CPS1: variants seen among roughly 807,000 people sequenced by gnomAD.
CPS1 encodes carbamoyl-phosphate synthase [ammonia], mitochondrial.
A neutral mutation model predicts 174.6 loss-of-function variants in CPS1; 109 were observed. The observed-to-expected ratio is 0.62, with a 90% CI of 0.53 to 0.73. The LOEUF is 0.73. Among genes scored for constraint, CPS1 ranks in the 30% least tolerant of loss-of-function variants. CPS1 has a pLI of 0.00. For missense variants in CPS1, 1,689 were observed against 1,821.9 expected, an observed-to-expected ratio of 0.93 and a Z score of 1.33; for synonymous variants, 637 against 632.0, an observed-to-expected ratio of 1.01 and a Z score of -0.12.
intron 24 of CPS1, 22 bp from the exon 25 acceptor site, chr2:210,642,462 G>T (rs1198476748): frequency 6.2e-7 from 1 of 1,613,658 alleles, no homozygotes; most frequent in Non-Finnish European, 8.5e-7. Context: ...TATCCCTTTT[G>T]CCAATCTCAT....
chr2:210,502,075 A>T (rs1415449375), intron 1 of CPS1, among the ~76,000 whole-genome samples: 1 of 152,034 alleles, frequency 6.6e-6, no homozygotes, highest in Non-Finnish European at 1.5e-5. Flanking sequence ...AAAGCCCTTT[A>T]TATAGCCATC....
rs545325901 is a variant in CPS1 at position 210,540,732 on chromosome 2, C to T, written c.4-15987C>T. On this transcript the variant is annotated intron_variant, in intron 1 of 38. Transcript: ENST00000430249. Reference sequence around the variant, plus strand: ...CACACAAATGGTAAGTGGGTAATTTCGGAACCTTTTAAAATAAAACATAGA... The same window carrying T: ...CACACAAATGGTAAGTGGGTAATTTTGGAACCTTTTAAAATAAAACATAGA... 1.3e-3 allele frequency among the ~76,000 whole-genome samples: 194 copies of T among 152,206 alleles called. 8 individuals are homozygous for T. In the South Asian group the frequency reaches 0.038, roughly 29 times the overall value.
At chr2:210,631,158 G>T (rs1699857929) in intron 21 of CPS1, 1 of 151,918 alleles carries the variant, frequency 6.6e-6, no homozygotes, top group Admixed American at 6.6e-5. Context: ...CTCGTGAGTT[G>T]GTGGATCAGA....
chr2:210,607,021 T>C, intron 18 of CPS1, 80 bp downstream of exon 18: 6 of 1,243,070 alleles, frequency 4.8e-6, no homozygotes, highest in Non-Finnish European at 7.0e-6. Context: ...TGGAAGACTG[T>C]ACTGCATTTA....
chr2:210,583,738 C>T (rs910451617), intron 6 of CPS1, among the ~76,000 whole-genome samples: 22 of 152,132 alleles, frequency 1.4e-4, no homozygotes, highest in Non-Finnish European at 2.8e-4. Flanking sequence ...CTGACTGAAG[C>T]TAGGTCTAGA....
chr2:210,572,041 A>G (rs1490005339), intron 1 of CPS1, among the ~76,000 whole-genome samples: 1 of 151,866 alleles, frequency 6.6e-6, no homozygotes, highest in Non-Finnish European at 1.5e-5. Flanking sequence ...CTACACTTAA[A>G]CCTTGCAGAA....
rs1242895886 is a variant in CPS1 at position 210,543,206 on chromosome 2, T to A, written c.4-13513T>A. 2.0e-5 allele frequency among the ~76,000 whole-genome samples: 3 copies of A among 152,162 alleles called. No homozygotes were observed. The East Asian group carries it at 5.8e-4, about 29-fold the overall frequency. ...GTGGGCTCACGTTGCATGCAGTGCA[T>A]CTCTATACAGCAATTAATCTATTTC... On this transcript the variant is annotated intron_variant, in intron 1 of 38. Coordinates refer to the CPS1 transcript ENST00000430249.
chr2:210,572,722 T>C (rs1697543921), intron 1 of CPS1, among the ~76,000 whole-genome samples: 1 of 152,076 alleles, frequency 6.6e-6, no homozygotes, highest in African/African-American at 2.4e-5. Context: ...TGGTTTTGTG[T>C]CAGCATTAAG....
At chr2:210,594,863 A>T (rs1698436234) in intron 12 of CPS1, among the ~76,000 whole-genome samples, 1 of 152,086 alleles carries the variant, frequency 6.6e-6, no homozygotes, top group South Asian at 2.1e-4. Context: ...ATAACAAAGA[A>T]TAGTGTTTAG....
At chr2:210,558,153 A>G (rs144855523) in intron 1 of CPS1, among the ~76,000 whole-genome samples, 537 of 152,178 alleles carry the variant, frequency 3.5e-3, no homozygotes, top group African/African-American at 0.012. Flanking sequence ...GATTCTAACA[A>G]GAGTATAGGA....
chr2:210,505,873 G>A (rs1218228554), intron 1 of CPS1, among the ~76,000 whole-genome samples: 3 of 152,234 alleles, frequency 2.0e-5, no homozygotes, highest in Admixed American at 2.0e-4. Flanking sequence ...GCTTGAGTAT[G>A]TAAAAAAAGC....
intron 1 of CPS1, among the ~76,000 whole-genome samples, chr2:210,500,994 A>T (rs1029224219): frequency 6.6e-6 from 1 of 152,174 alleles, no homozygotes; most frequent in African/African-American, 2.4e-5. Context: ...CCAAACTTCA[A>T]TTCTTGACTT....
intron 1 of CPS1, among the ~76,000 whole-genome samples, chr2:210,546,632 T>C (rs1270390688): frequency 6.6e-6 from 1 of 152,120 alleles, no homozygotes; most frequent in Non-Finnish European, 1.5e-5. Flanking sequence ...GATAAAATAT[T>C]GCATCATTTT....
At chr2:210,649,463 G>A (rs926565484) in intron 27 of CPS1, among the ~76,000 whole-genome samples, 14 of 152,094 alleles carry the variant, frequency 9.2e-5, no homozygotes, top group Non-Finnish European at 1.5e-5. Context: ...AACAAATGAA[G>A]CAACTGAAAG....
chr2:210,590,288 T>C (rs1156515180), intron 8 of CPS1, 54 bp downstream of exon 8: 6 of 1,609,868 alleles, frequency 3.7e-6, no homozygotes, highest in Non-Finnish European at 5.1e-6. Flanking sequence ...GGGCTTCCGC[T>C]CTATACCCTC....
Position 210,676,997 on chromosome 2 carries a change from A to AT in CPS1, c.4275-5dup. The AT allele has an allele frequency of 2.5e-6, 4 of 1,612,640 alleles. No homozygotes were observed. The highest frequency in any genetic ancestry group is 3.4e-6 in the Non-Finnish European group (4 of 1,178,770). On this transcript the variant is annotated splice_polypyrimidine_tract_variant and intron_variant, in intron 36 of 37. Transcript: ENST00000233072. The stretch of plus-strand genomic sequence containing the variant: ...CCTTGTTGTCTATAAGTTTTTGTTT[A>AT]TTTTTCCAGATTGATTAGAGATGGC...
chr2:210,560,223 C>A (rs1394187039), intron 1 of CPS1, among the ~76,000 whole-genome samples: 1 of 151,772 alleles, frequency 6.6e-6, no homozygotes, highest in East Asian at 1.9e-4. Context: ...CTATTTCATT[C>A]ATTCATTCAT....
At chr2:210,641,145 A>G (rs550818286) in intron 24 of CPS1, among the ~76,000 whole-genome samples, 1 of 152,220 alleles carries the variant, frequency 6.6e-6, no homozygotes, top group Non-Finnish European at 1.5e-5. Context: ...TTTCTGAGAC[A>G]AGGTCTTACT....
At chr2:210,541,286 G>T (rs1696416576) in intron 1 of CPS1, among the ~76,000 whole-genome samples, 1 of 152,104 alleles carries the variant, frequency 6.6e-6, no homozygotes, top group African/African-American at 2.4e-5. Flanking sequence ...TGAATTTCTT[G>T]CCTGGCCAAT....
Sources: gnomAD v4.1 joint callset for allele counts (sites outside exome capture counted in the v4.1 genomes callset) on GRCh38, gnomAD v4.1.1 for gene constraint, MANE v1.5 for transcripts, NCBI Gene and HGNC (gene_info 2026-07-23, HGNC 2026-07-21) for gene names.